PAK5: variants seen among roughly 807,000 people sequenced by gnomAD.
The protein encoded by PAK5 is p21 (RAC1) activated kinase 5, also known as serine/threonine-protein kinase PAK 5.
A neutral mutation model predicts 65.9 loss-of-function variants in PAK5; 16 were observed. The ratio of observed to expected loss-of-function variants is 0.24; its 90% CI spans 0.16 to 0.37. The LOEUF is 0.37. Ranked by LOEUF, PAK5 falls within the 10% of genes least tolerant of loss-of-function variation. The pLI, the probability that PAK5 is intolerant of heterozygous loss-of-function variation, is 1.00. For synonymous variants in PAK5, 371 were observed against 354.9 expected (o/e 1.05, Z -0.51); for missense variants, 785 against 903.9 (o/e 0.87, Z 1.69).
At chr20:9,738,365 C>G (rs1163730557) in intron 1 of PAK5, among the ~76,000 whole-genome samples, 2 of 152,040 alleles carry the variant, frequency 1.3e-5, no homozygotes, top group Admixed American at 1.3e-4. Flanking sequence ...GGCTTATATA[C>G]ACATTTATAA....
At chr20:9,792,522 T>C (rs1398213586) in intron 1 of PAK5, among the ~76,000 whole-genome samples, 4 of 152,260 alleles carry the variant, frequency 2.6e-5, no homozygotes, top group Middle Eastern at 3.4e-3. Flanking sequence ...TATCCAAAAA[T>C]TGCCAGGAAC....
chr20:9,541,931 T>C (rs1271141363), intron 9 of PAK5, among the ~76,000 whole-genome samples: 4 of 152,198 alleles, frequency 2.6e-5, no homozygotes, highest in African/African-American at 7.2e-5. Context: ...TTGCTTCCCC[T>C]TCGCCTTCTG....
chr20:9,604,503 A>C (rs2073066446), intron 3 of PAK5, among the ~76,000 whole-genome samples: 2 of 152,166 alleles, frequency 1.3e-5, no homozygotes, highest in Non-Finnish European at 2.9e-5. Flanking sequence ...AGGACACTGA[A>C]GTATGGAGGA....
intron 1 of PAK5, among the ~76,000 whole-genome samples, chr20:9,806,298 G>A (rs1162985521): frequency 6.6e-6 from 1 of 152,000 alleles, no homozygotes; most frequent in Non-Finnish European, 1.5e-5. Flanking sequence ...CAGTAGATAT[G>A]GTATTTAATT....
intron 1 of PAK5, 110 bp from the exon 2 acceptor site, chr20:9,711,545 C>T (rs1158378795): frequency 1.3e-5 from 2 of 152,256 alleles, no homozygotes; most frequent in East Asian, 3.9e-4. Flanking sequence ...GCAGTGCATT[C>T]TTTTTTACTG....
chr20:9,685,344 G>A (rs1186688938), intron 2 of PAK5, among the ~76,000 whole-genome samples: 2 of 152,182 alleles, frequency 1.3e-5, no homozygotes, highest in Non-Finnish European at 2.9e-5. Flanking sequence ...CATTATAGAT[G>A]TAATTAGTTT....
At chr20:9,650,947 C>T (rs529150491) in intron 2 of PAK5, among the ~76,000 whole-genome samples, 1 of 152,164 alleles carries the variant, frequency 6.6e-6, no homozygotes, top group Non-Finnish European at 1.5e-5. Flanking sequence ...GGGCATAAAG[C>T]TTGAGGTGTT....
At chr20:9,760,676 T>TTC (rs1234769554) in intron 1 of PAK5, among the ~76,000 whole-genome samples, 20 of 147,402 alleles carry the variant, frequency 1.4e-4, no homozygotes, top group Non-Finnish European at 2.9e-4. Flanking sequence ...TTCTTTTCTT[T>TTC]TTTTTTTTTT....
intron 1 of PAK5, among the ~76,000 whole-genome samples, chr20:9,767,738 G>T (rs1384355337): frequency 6.6e-6 from 1 of 152,106 alleles, no homozygotes; most frequent in African/African-American, 2.4e-5. Flanking sequence ...AGCCCATGCA[G>T]GTCAGTGGTA....
chr20:9,733,621 T>C (rs1015326416), intron 1 of PAK5, among the ~76,000 whole-genome samples: 2 of 152,146 alleles, frequency 1.3e-5, no homozygotes, highest in Non-Finnish European at 1.5e-5. Flanking sequence ...ATTTTTGTGT[T>C]TTTAGTAGAG....
At chr20:9,776,757 T>C (rs189224297) in intron 1 of PAK5, among the ~76,000 whole-genome samples, 2 of 152,086 alleles carry the variant, frequency 1.3e-5, no homozygotes, top group Admixed American at 6.6e-5. Flanking sequence ...CAAGCCCCAG[T>C]TAAATCTTCA....
intron 3 of PAK5, among the ~76,000 whole-genome samples, chr20:9,590,648 C>T (rs2046154227): frequency 6.6e-6 from 1 of 152,020 alleles, no homozygotes; most frequent in Non-Finnish European, 1.5e-5. Context: ...AATAAGCCTC[C>T]CCAAAAGCTG....
chr20:9,676,714 T>C (rs573302929), intron 2 of PAK5, among the ~76,000 whole-genome samples: 4 of 152,316 alleles, frequency 2.6e-5, no homozygotes, highest in Admixed American at 2.0e-4. Flanking sequence ...CATATAAATA[T>C]GTACATATAC....
chr20:9,732,548 C>G (rs538316466), intron 1 of PAK5, among the ~76,000 whole-genome samples: 1 of 152,246 alleles, frequency 6.6e-6, no homozygotes, highest in African/African-American at 2.4e-5. Context: ...ATTATTACTG[C>G]CAGGTCTTTG....
intron 1 of PAK5, among the ~76,000 whole-genome samples, chr20:9,775,760 G>GGA (rs1162724864): frequency 1.3e-5 from 2 of 152,144 alleles, no homozygotes; most frequent in African/African-American, 4.8e-5. Context: ...AGACAGAATA[G>GGA]TGAATCTAAA....
chr20:9,665,081 T>C (rs966782491), intron 2 of PAK5, among the ~76,000 whole-genome samples: 36 of 127,988 alleles, frequency 2.8e-4, no homozygotes, highest in Non-Finnish European at 4.5e-4. Flanking sequence ...AGCTAAATTT[T>C]TCTGTTTTTT....
chr20:9,723,267 C>A (rs1385888119), intron 1 of PAK5, among the ~76,000 whole-genome samples: 2 of 152,126 alleles, frequency 1.3e-5, no homozygotes, highest in Non-Finnish European at 2.9e-5. Context: ...GTAGTGGGAA[C>A]AGTGAGACGT....
At chr20:9,705,773 T>C (rs960341214) in intron 2 of PAK5, among the ~76,000 whole-genome samples, 2 of 152,242 alleles carry the variant, frequency 1.3e-5, no homozygotes, top group African/African-American at 2.4e-5. Context: ...TAGCAGATAA[T>C]GGAAACAACA....
chr20:9,553,497 G>A (rs2045461574), intron 7 of PAK5, among the ~76,000 whole-genome samples: 1 of 151,968 alleles, frequency 6.6e-6, no homozygotes, highest in African/African-American at 2.4e-5. Flanking sequence ...CATTCCCACA[G>A]CCCCAAAACC....
Sources: gnomAD v4.1 joint callset for allele counts (sites outside exome capture counted in the v4.1 genomes callset) on GRCh38, gnomAD v4.1.1 for gene constraint, MANE v1.5 for transcripts, NCBI Gene and HGNC (gene_info 2026-07-23, HGNC 2026-07-21) for gene names.